Variants in NRXN3 observed in about 807,000 individuals in gnomAD.
NRXN3 encodes the protein neurexin III.
A neutral mutation model predicts 137.6 loss-of-function variants in NRXN3; 32 were observed. The observed-to-expected ratio is 0.23, with a 90% CI of 0.18 to 0.31. The LOEUF is 0.31. NRXN3 is among the 10% of genes least tolerant of loss of function. The pLI, the probability that NRXN3 is intolerant of heterozygous loss-of-function variation, is 1.00. For missense variants in NRXN3, 1,574 were observed against 2,062.5 expected, an observed-to-expected ratio of 0.76 and a Z score of 4.59; for synonymous variants, 798 against 784.5, an observed-to-expected ratio of 1.02 and a Z score of -0.29.
chr14:79,505,595 A>G (rs2096870546), intron 16 of NRXN3, among the ~76,000 whole-genome samples: 1 of 152,234 alleles, frequency 6.6e-6, no homozygotes, highest in Non-Finnish European at 1.5e-5. Flanking sequence ...ATAAGAGGAA[A>G]TGGTTATACT....
intron 15 of NRXN3, among the ~76,000 whole-genome samples, chr14:79,298,572 T>A (rs2153221131): frequency 6.6e-6 from 1 of 152,230 alleles, no homozygotes; most frequent in East Asian, 1.9e-4. Context: ...AGATAAGGTG[T>A]GCTGAGTAAA....
intron 10 of NRXN3, among the ~76,000 whole-genome samples, chr14:78,899,153 T>G (rs191842984): frequency 1.3e-5 from 2 of 152,100 alleles, no homozygotes; most frequent in East Asian, 3.9e-4. Flanking sequence ...ATTATCCCTT[T>G]GTATTAGTTT....
intron 1 of NRXN3, among the ~76,000 whole-genome samples, chr14:78,171,528 T>C (rs190525734): frequency 2.0e-5 from 3 of 152,170 alleles, no homozygotes; most frequent in South Asian, 4.1e-4. Context: ...GTTCGATGTA[T>C]TGTTTTTTCC....
intron 19 of NRXN3, among the ~76,000 whole-genome samples, chr14:79,724,764 A>G (rs2098871800): frequency 6.6e-6 from 1 of 152,192 alleles, no homozygotes; most frequent in Non-Finnish European, 1.5e-5. Context: ...TAACAAAGCT[A>G]TACGGTAGCT....
At chr14:79,562,779 A>G (rs549105154) in intron 16 of NRXN3, among the ~76,000 whole-genome samples, 1 of 152,348 alleles carries the variant, frequency 6.6e-6, no homozygotes, top group East Asian at 1.9e-4. Flanking sequence ...GTTTTCAGAT[A>G]GACTCCCATC....
chr14:79,611,860 A>T (rs1185692930), intron 16 of NRXN3: 1 of 152,252 alleles, frequency 6.6e-6, no homozygotes, highest in Non-Finnish European at 1.5e-5. Flanking sequence ...TGAGGATTAA[A>T]TTAAAATATA....
chr14:78,720,454 T>C (rs1205709866), intron 8 of NRXN3, among the ~76,000 whole-genome samples: 2 of 152,204 alleles, frequency 1.3e-5, no homozygotes, highest in African/African-American at 4.8e-5. Context: ...AATCATATCA[T>C]TGAAAAGCAG....
intron 4 of NRXN3, among the ~76,000 whole-genome samples, chr14:78,395,443 G>A (rs2091339490): frequency 6.6e-6 from 1 of 151,838 alleles, no homozygotes; most frequent in African/African-American, 2.4e-5. Context: ...TTGTTTTGTG[G>A]TCCAGGATGT....
intron 15 of NRXN3, among the ~76,000 whole-genome samples, chr14:79,127,375 G>C (rs1229254861): frequency 6.6e-6 from 1 of 151,990 alleles, no homozygotes; most frequent in Non-Finnish European, 1.5e-5. Flanking sequence ...AAGGGATCCA[G>C]TTTCAGCTTT....
intron 4 of NRXN3, among the ~76,000 whole-genome samples, chr14:78,465,679 C>T (rs1047067558): frequency 1.3e-5 from 2 of 148,492 alleles, no homozygotes; most frequent in Admixed American, 6.7e-5. Context: ...CTGGGACAGG[C>T]ATGCACCACC....
chr14:79,446,021 C>T (rs2096058451), intron 15 of NRXN3, among the ~76,000 whole-genome samples: 1 of 152,154 alleles, frequency 6.6e-6, no homozygotes, highest in South Asian at 2.1e-4. Flanking sequence ...TGAAAGTTCA[C>T]TATATGCCAT....
intron 4 of NRXN3, among the ~76,000 whole-genome samples, chr14:78,448,615 T>G (rs953865116): frequency 2.0e-5 from 3 of 152,186 alleles, no homozygotes; most frequent in African/African-American, 7.2e-5. Flanking sequence ...AGGGTTGCAA[T>G]TCACGGACAC....
chr14:79,586,166 C>G (rs2097764077), intron 16 of NRXN3, among the ~76,000 whole-genome samples: 1 of 152,344 alleles, frequency 6.6e-6, no homozygotes, highest in African/African-American at 2.4e-5. Context: ...TTAAAGTACA[C>G]TGCCAGCCAG....
chr14:79,775,946 T>A (rs188648360), intron 19 of NRXN3, among the ~76,000 whole-genome samples: 1 of 152,272 alleles, frequency 6.6e-6, no homozygotes, highest in East Asian at 1.9e-4. Context: ...ATCATTGTAG[T>A]CCCACATCCT....
chr14:79,364,514 G>A (rs1195295196), intron 15 of NRXN3, among the ~76,000 whole-genome samples: 1 of 152,146 alleles, frequency 6.6e-6, no homozygotes, highest in Non-Finnish European at 1.5e-5. Context: ...ATCATGCAAG[G>A]ATGCAAAGGA....
At chr14:79,283,934 G>A (rs952954963) in intron 15 of NRXN3, among the ~76,000 whole-genome samples, 10 of 151,828 alleles carry the variant, frequency 6.6e-5, no homozygotes, top group Non-Finnish European at 1.3e-4. Flanking sequence ...CAAATACCAA[G>A]CGAAATTAAT....
rs190874028 is a variant in NRXN3 at position 78,474,391 on chromosome 14, T to A, written c.758-170729T>A. Among the ~76,000 whole-genome samples the A allele has an allele frequency of 6.6e-5, 10 of 152,254 alleles. No homozygotes were observed. The East Asian group carries it at 1.9e-3, about 29-fold the overall frequency. On this transcript the variant is annotated intron_variant, in intron 4 of 20. Transcript: ENST00000335750. ...CTCATTGTTGGTCCATGGACCAATGTTATATTAACTGCTAAAAGGCATCCC... is the reference window on the plus strand; with the variant it reads ...CTCATTGTTGGTCCATGGACCAATGATATATTAACTGCTAAAAGGCATCCC...
At chr14:78,711,736 A>C (rs4903790) in intron 7 of NRXN3, among the ~76,000 whole-genome samples, 148,466 of 152,186 alleles carry the variant, frequency 0.98, 72,502 homozygotes, top group Non-Finnish European at 0.99. Context: ...CCACTGTGCC[A>C]GGCCTGGCCA....
intron 19 of NRXN3, among the ~76,000 whole-genome samples, chr14:79,786,190 A>G (rs2099128910): frequency 1.3e-5 from 2 of 152,222 alleles, no homozygotes; most frequent in Admixed American, 6.5e-5. Flanking sequence ...AATTAAAGCT[A>G]TAGACTGTTT....
Sources: allele counts gnomAD v4.1 joint callset (sites outside exome capture counted in the v4.1 genomes callset), GRCh38; gene constraint gnomAD v4.1.1; transcripts MANE v1.5; gene names NCBI Gene and HGNC (gene_info 2026-07-23, HGNC 2026-07-21).